EXOC4: variants seen among roughly 807,000 people sequenced by gnomAD.
The protein encoded by EXOC4 is exocyst complex component 4.
EXOC4 carries 71 observed loss-of-function variants against 107.2 expected under a neutral mutation model. The ratio of observed to expected loss-of-function variants is 0.66; its 90% CI spans 0.55 to 0.81. The LOEUF (loss-of-function observed/expected upper bound fraction) is 0.81. Ranked by LOEUF, EXOC4 falls within the 30% of genes least tolerant of loss-of-function variation. EXOC4 has a pLI of 0.00. For synonymous variants in EXOC4, 456 were observed against 441.2 expected, an observed-to-expected ratio of 1.03 and a Z score of -0.42; for missense variants, 1,108 against 1,189.6, an observed-to-expected ratio of 0.93 and a Z score of 1.01.
intron 7 of EXOC4, among the ~76,000 whole-genome samples, chr7:133,442,641 AAG>A (rs1015219650): frequency 9.9e-5 from 15 of 152,270 alleles, no homozygotes; most frequent in Admixed American, 2.0e-4. Flanking sequence ...AGTAGAGAAA[AAG>A]AGATTTACAT....
chr7:133,835,998 C>G (rs775966804), intron 11 of EXOC4, among the ~76,000 whole-genome samples: 5 of 152,122 alleles, frequency 3.3e-5, no homozygotes, highest in Non-Finnish European at 7.4e-5. Flanking sequence ...AATGCAAATA[C>G]CTCAATTAGT....
chr7:133,278,185 G>A (rs571434013), intron 2 of EXOC4, among the ~76,000 whole-genome samples: 2 of 152,164 alleles, frequency 1.3e-5, no homozygotes, highest in Admixed American at 6.5e-5. Context: ...GATAGAAAAC[G>A]AACAAATAGA....
intron 6 of EXOC4, among the ~76,000 whole-genome samples, chr7:133,372,143 A>G (rs1796390621): frequency 1.3e-5 from 2 of 152,282 alleles, no homozygotes; most frequent in East Asian, 1.9e-4. Flanking sequence ...ATTTACAAAT[A>G]TTTTCTCTCA....
At chr7:133,505,490 C>A (rs557266706) in intron 9 of EXOC4, among the ~76,000 whole-genome samples, 1 of 152,046 alleles carries the variant, frequency 6.6e-6, no homozygotes, top group Non-Finnish European at 1.5e-5. Context: ...ACTATGACAT[C>A]CTGTATTTAA....
intron 4 of EXOC4, among the ~76,000 whole-genome samples, chr7:133,307,118 G>A (rs1474184046): frequency 6.6e-6 from 1 of 152,176 alleles, no homozygotes; most frequent in African/African-American, 2.4e-5. Context: ...TGGAAGCAGT[G>A]CACGCTGGGA....
At chr7:133,666,476 A>T (rs140719889) in intron 10 of EXOC4, among the ~76,000 whole-genome samples, 5 of 152,228 alleles carry the variant, frequency 3.3e-5, no homozygotes, top group African/African-American at 1.2e-4. Flanking sequence ...AATATATTGT[A>T]GAGTATAGAG....
intron 14 of EXOC4, among the ~76,000 whole-genome samples, chr7:133,995,254 A>G (rs569220670): frequency 2.0e-5 from 3 of 152,244 alleles, no homozygotes; most frequent in East Asian, 3.9e-4. Context: ...AGAAATGCAA[A>G]TTTTTTAAGT....
At chr7:133,367,180 G>A (rs1488112099) in intron 6 of EXOC4, among the ~76,000 whole-genome samples, 1 of 152,204 alleles carries the variant, frequency 6.6e-6, no homozygotes, top group Non-Finnish European at 1.5e-5. Flanking sequence ...GGATATGTGT[G>A]TGAGTTGATA....
At chr7:133,991,273 GTT>G (rs149031374) in intron 14 of EXOC4, among the ~76,000 whole-genome samples, 19 of 151,072 alleles carry the variant, frequency 1.3e-4, no homozygotes, top group Non-Finnish European at 1.8e-4. Flanking sequence ...ATTATTTGTT[GTT>G]TTTTTTGTTT....
rs190560602 is a variant in EXOC4 at position 134,014,762 on chromosome 7, T to C, written c.2687+6927T>C. 3.3e-5 allele frequency among the ~76,000 whole-genome samples: 5 copies of C among 152,152 alleles called. No individual in the cohort carries two copies. In the East Asian group the frequency reaches 7.7e-4, roughly 24 times the overall value. ...TTGTACCCTCTAAGTCTGAAAATTA[T>C]ATGGTATATGAATTATATCTCGATG... is the stretch of plus-strand genomic sequence containing the variant. On this transcript the variant is annotated intron_variant, in intron 17 of 17. Coordinates refer to ENST00000253861, the MANE Select transcript of EXOC4 (RefSeq NM_021807.4).
intron 14 of EXOC4, among the ~76,000 whole-genome samples, chr7:133,956,564 G>A (rs563268433): frequency 6.6e-6 from 1 of 152,274 alleles, no homozygotes; most frequent in Non-Finnish European, 1.5e-5. Flanking sequence ...GTGCTCAGCT[G>A]GCAGCTCAGT....
chr7:133,481,113 C>T (rs1429830638), intron 9 of EXOC4: 4 of 149,810 alleles, frequency 2.7e-5, no homozygotes, highest in Non-Finnish European at 5.9e-5. Context: ...TGTAAGACAT[C>T]TTAGGTGTTG....
At position 133,994,757 on chromosome 7, in the gene EXOC4, TTGTGTGTG is replaced by T. The variant is rs68167254; in HGVS notation, c.2207-2711_2207-2704del. ...GCCTTTAAAGGGTATGTACAAGGTT[TTGTGTGTG>T]TGTGTGTGTGTGTGTGTGTGTGTTT... On this transcript the variant is annotated intron_variant, in intron 14 of 17. Transcript: ENST00000253861. 1.7e-4 allele frequency among the ~76,000 whole-genome samples: 26 copies of T among 148,588 alleles called. No individual in the cohort carries two copies. The Middle Eastern group carries it at 0.01, about 59-fold the overall frequency.
At chr7:133,590,293 A>C (rs954171493) in intron 9 of EXOC4, among the ~76,000 whole-genome samples, 10 of 152,036 alleles carry the variant, frequency 6.6e-5, no homozygotes, top group Non-Finnish European at 1.5e-4. Context: ...TAAATTAATT[A>C]GTATTTTTAT....
intron 14 of EXOC4, among the ~76,000 whole-genome samples, chr7:133,954,825 C>T (rs532690444): frequency 6.6e-6 from 1 of 152,384 alleles, no homozygotes; most frequent in Admixed American, 6.5e-5. Context: ...TGCTCACAGC[C>T]AGATACACTG....
intron 7 of EXOC4, among the ~76,000 whole-genome samples, chr7:133,427,734 G>A (rs1797760229): frequency 6.6e-6 from 1 of 152,214 alleles, no homozygotes; most frequent in Non-Finnish European, 1.5e-5. Flanking sequence ...CCGTGGTAGA[G>A]ATGAGGCTGG....
At chr7:133,695,572 C>T (rs1259259884) in intron 10 of EXOC4, among the ~76,000 whole-genome samples, 1 of 151,968 alleles carries the variant, frequency 6.6e-6, no homozygotes, top group Non-Finnish European at 1.5e-5. Context: ...AGTTGAATCC[C>T]TTCCCAACTA....
intron 14 of EXOC4, among the ~76,000 whole-genome samples, chr7:133,984,488 T>G (rs1330701765): frequency 6.6e-6 from 1 of 152,200 alleles, no homozygotes; most frequent in Non-Finnish European, 1.5e-5. Flanking sequence ...AGACATTAAG[T>G]TAAAGGCATT....
chr7:133,745,640 G>T lies in EXOC4; in HGVS notation c.1515-71685G>T, dbSNP rs185802384. ...TTAAAACAAGCATTTAAACATTTTT[G>T]AAAAGACTGGAATAAAATAGGACAA... On this transcript the variant is annotated intron_variant, in intron 10 of 17. Coordinates refer to ENST00000253861, the MANE Select transcript of EXOC4 (RefSeq NM_021807.4). 4.9e-3 allele frequency among the ~76,000 whole-genome samples: 730 copies of T among 149,644 alleles called. 3 individuals are homozygous for T. The highest frequency in any genetic ancestry group is 0.018 in the Middle Eastern group (5 of 284).
Sources: allele counts gnomAD v4.1 joint callset (sites outside exome capture counted in the v4.1 genomes callset), GRCh38; gene constraint gnomAD v4.1.1; transcripts MANE v1.5; gene names NCBI Gene and HGNC (gene_info 2026-07-23, HGNC 2026-07-21).